The following F5 variants were observed in gnomAD, a reference collection of about 807,000 sequenced individuals.
F5 encodes the protein coagulation factor V.
In F5, 138 loss-of-function variants were observed where a neutral mutation model predicts 216.4. That is an observed-to-expected ratio of 0.64 (90% confidence interval 0.56 to 0.73). The LOEUF is 0.73. Ranked by LOEUF, F5 falls within the 30% of genes least tolerant of loss-of-function variation. F5 has a pLI of 0.00. For missense variants in F5, 2,403 were observed against 2,674.0 expected (o/e 0.90, Z 2.24); for synonymous variants, 916 against 930.7 (o/e 0.98, Z 0.29).
rs559098136 is a variant in F5 at position 169,541,644 on chromosome 1, G to A, written c.3446C>T (p.Ser1149Phe). 3.2e-5 allele frequency: 51 copies of A among 1,614,152 alleles called. 1 individual carries two copies. The East Asian group carries it at 1.0e-3, about 32-fold the overall frequency. The change falls in exon 13 of 25, where the codon TCT becomes TTT. Residue 1149 changes from serine (S) to phenylalanine (F), a missense_variant. By Grantham distance (155) the Ser-to-Phe change is radical (BLOSUM62 -2). This residue lies in a region of F5 where 1,425 missense variants were observed against 1,554.8 expected (regional missense o/e 0.92). Transcript: ENST00000367797. Reference protein sequence around the residue: ...HSTSDPSHRSSSPELSEMLEY... With the variant: ...HSTSDPSHRSFSPELSEMLEY... ...AAGCATTTCACTGAGCTCTGGAGAAGAGGATCTGTGACTGGGGTCTGAAGT... is the reference window on the plus strand; with the variant it reads ...AAGCATTTCACTGAGCTCTGGAGAAAAGGATCTGTGACTGGGGTCTGAAGT...
intron 9 of F5, among the ~76,000 whole-genome samples, chr1:169,550,434 G>C (rs1023401059): frequency 6.6e-6 from 1 of 151,898 alleles, no homozygotes; most frequent in Non-Finnish European, 1.5e-5. Context: ...AGGCCACTAT[G>C]ACACTAATAA....
intron 18 of F5, among the ~76,000 whole-genome samples, chr1:169,525,482 C>A (rs1200607858): frequency 6.6e-6 from 1 of 152,210 alleles, no homozygotes; most frequent in African/African-American, 2.4e-5. Flanking sequence ...GTGCTTCATA[C>A]TCAACAGTGC....
chr1:169,517,155 C>A (rs570726461), intron 23 of F5, among the ~76,000 whole-genome samples: 1 of 152,054 alleles, frequency 6.6e-6, no homozygotes, highest in Non-Finnish European at 1.5e-5. Flanking sequence ...GGTATTTGGG[C>A]TGCTTCAAAT....
In F5 at chr1:169,542,197, C is replaced by T. The variant is rs766798116; in HGVS notation, c.2893G>A (p.Asp965Asn). 2.5e-6 allele frequency: 4 copies of T among 1,614,090 alleles called. No homozygotes were observed. In the East Asian group the frequency reaches 8.9e-5, roughly 36 times the overall value. The stretch of plus-strand genomic sequence containing the variant: ...ATCAGCCAATTGTTAACAGCTGTGT[C>T]TTCATCAGTATCTTGGATTATTTCA... ...SYEIIQDTDEDTAVNNWLISP... is the reference protein window; with the variant it reads ...SYEIIQDTDENTAVNNWLISP... The change falls in exon 13 of 25, where the codon GAC becomes AAC. Residue 965 changes from aspartate (D) to asparagine (N), a missense_variant. Coordinates refer to ENST00000367797, the MANE Select transcript of F5 (RefSeq NM_000130.5).
Position 169,528,064 on chromosome 1 carries a change from C to A in F5, c.5450G>T (p.Gly1817Val). 1 of 1,613,880 alleles carries A rather than the reference C, an allele frequency of 6.2e-7. No homozygotes were observed. Among genetic ancestry groups the A allele is most frequent in the African/African-American group, 1.3e-5 (1 of 75,012 alleles). ...CCACTCTTGCTCATACATTTTCAGG[C>A]CAGGCAAGCTGTAGATCATCCCATT... ...AINGMIYSLP[G>V]LKMYEQEWVR... The change falls in exon 17 of 25, where the codon GGC becomes GTC. Residue 1817 changes from glycine to valine, a missense_variant. Gly to Val is a moderately radical substitution (Grantham distance 109). Around this residue, in one of 4 missense-constraint regions of F5, gnomAD observed 659 missense variants for 787.9 expected, o/e 0.84. Transcript: ENST00000367797.
rs1659102158 is a variant in F5 at position 169,514,209 on chromosome 1, T to TAGTGGAAAACTGTTA, written c.*89_*103dup. The TAGTGGAAAACTGTTA allele has an allele frequency of 4.2e-6, 5 of 1,197,432 alleles. No homozygotes were observed. Among genetic ancestry groups the TAGTGGAAAACTGTTA allele is most frequent in the Non-Finnish European group, 6.1e-6 (5 of 818,700 alleles). 74.2% of individuals were successfully genotyped at this position (1,197,432 alleles called of 1,614,324 possible). On this transcript the variant is annotated 3_prime_UTR_variant, in exon 25 of 25. Coordinates refer to ENST00000367797, the MANE Select transcript of F5 (RefSeq NM_000130.5). ...TTCACTAATAGAAAAGAAAGAGAAA[T>TAGTGGAAAACTGTTA]AGTGGAAAACTGTTAACATTTAACA...
In F5 at chr1:169,572,220, C is replaced by A; in HGVS notation, c.373+1G>T. On this transcript the variant is annotated splice_donor_variant, in intron 3 of 24. Coordinates refer to ENST00000367797, the MANE Select transcript of F5 (RefSeq NM_000130.5). LOFTEE classifies it high-confidence loss of function. The stretch of plus-strand genomic sequence containing the variant: ...TCAGAAAAATATTAGATTTATCTTA[C>A]CTTCTGATAATTTACTGTACCTAAT... The A allele has an allele frequency of 4.3e-6, 7 of 1,611,908 alleles. No homozygotes were observed. Among genetic ancestry groups the A allele is most frequent in the Non-Finnish European group, 5.9e-6 (7 of 1,179,016 alleles).
At chr1:169,553,355 C>T (rs1475219145) in intron 7 of F5, among the ~76,000 whole-genome samples, 1 of 152,108 alleles carries the variant, frequency 6.6e-6, no homozygotes, top group Non-Finnish European at 1.5e-5. Flanking sequence ...CAACTACATG[C>T]GGCCAAAAAG....
At chr1:169,517,063 T>A (rs1327910366) in intron 23 of F5, among the ~76,000 whole-genome samples, 1 of 152,172 alleles carries the variant, frequency 6.6e-6, no homozygotes, top group Non-Finnish European at 1.5e-5. Flanking sequence ...CTATGTAAAT[T>A]ATATAAATGT....
At position 169,542,243 on chromosome 1, in the gene F5, C is replaced by T; in HGVS notation, c.2847G>A (p.Leu949=). The change falls in exon 13 of 25, where the codon TTG becomes TTA. Residue 949 remains leucine, a synonymous_variant. Coordinates refer to ENST00000367797, the MANE Select transcript of F5 (RefSeq NM_000130.5). ...TTTCATAGCTACCTTTCTCAGAAGC[C>T]AAATGCCATCTCCCAACCAAAATCT... ...SSKILVGRWH[L]ASEKGSYEII... 1 of 1,614,078 alleles carries T rather than the reference C, an allele frequency of 6.2e-7. No individual in the cohort carries two copies. The highest frequency in any genetic ancestry group is 8.5e-7 in the Non-Finnish European group (1 of 1,180,006).
intron 8 of F5, among the ~76,000 whole-genome samples, chr1:169,551,849 A>G (rs1044568296): frequency 2.6e-5 from 4 of 152,152 alleles, no homozygotes; most frequent in African/African-American, 4.8e-5. Context: ...ATTTAAGGAG[A>G]ATTGTCTGAG....
intron 3 of F5, among the ~76,000 whole-genome samples, chr1:169,571,456 G>C (rs990077308): frequency 1.8e-4 from 28 of 152,246 alleles, no homozygotes; most frequent in Non-Finnish European, 3.8e-4. Context: ...AATCAGAAAT[G>C]ATAAAGCTAG....
At chr1:169,515,734 T>A in intron 23 of F5, 108 bp from the exon 24 acceptor site, 1 of 1,108,550 alleles carries the variant, frequency 9.0e-7, no homozygotes, top group Non-Finnish European at 1.3e-6. Context: ...TTTTGTTCTA[T>A]CTTATCCCTT....
chr1:169,543,323 T>C (rs1659916459), intron 12 of F5, among the ~76,000 whole-genome samples: 2 of 152,168 alleles, frequency 1.3e-5, no homozygotes, highest in Non-Finnish European at 1.5e-5. Context: ...TTTAGTAAAC[T>C]TTTGTTTTTC....
At chr1:169,559,494 T>C (rs1405279587) in intron 4 of F5, among the ~76,000 whole-genome samples, 198 bp from the exon 5 acceptor site, 1 of 152,204 alleles carries the variant, frequency 6.6e-6, no homozygotes, top group Non-Finnish European at 1.5e-5. Context: ...CACTGTCTTC[T>C]TTGATACCTT....
chr1:169,586,419 C>A lies in F5; in HGVS notation c.-33G>T. 3.1e-6 allele frequency: 5 copies of A among 1,603,742 alleles called. No individual in the cohort carries two copies. The highest frequency in any genetic ancestry group is 3.4e-6 in the Non-Finnish European group (4 of 1,177,556). On this transcript the variant is annotated 5_prime_UTR_variant, in exon 1 of 25. Transcript: ENST00000367797. ...TTCCTGCTCCCGCTGGCTGCCACCA[C>A]CCCAGGACCTGGGCAGCGCTTGCCG...
intron 2 of F5, among the ~76,000 whole-genome samples, chr1:169,574,996 C>A (rs12567645): frequency 0.29 from 44,343 of 151,950 alleles, 6,667 homozygotes; most frequent in South Asian, 0.36. Context: ...TAACTTTATA[C>A]GTTTTTATAG....
chr1:169,559,045 T>C (rs1267876766), intron 5 of F5, 108 bp downstream of exon 5: 1 of 1,182,450 alleles, frequency 8.5e-7, no homozygotes, highest in Admixed American at 1.7e-5. Flanking sequence ...TGATAGGGAG[T>C]TGCAAAACAG....
At chr1:169,566,779 A>C (rs1660611297) in intron 3 of F5, among the ~76,000 whole-genome samples, 1 of 152,068 alleles carries the variant, frequency 6.6e-6, no homozygotes, top group Admixed American at 6.6e-5. Context: ...AAATATTTGT[A>C]AAATTTCTGG....
Sources: gnomAD v4.1 joint callset for allele counts (sites outside exome capture counted in the v4.1 genomes callset) on GRCh38, gnomAD v4.1.1 for gene constraint, gnomAD v4.1.1 regional missense constraint, MANE v1.5 for transcripts, NCBI Gene and HGNC (gene_info 2026-07-23, HGNC 2026-07-21) for gene names.